The following MSH3 variants were observed in gnomAD, a reference collection of about 807,000 sequenced individuals.
MSH3 encodes mutS homolog 3.
MSH3 carries 106 observed loss-of-function variants against 123.3 expected under a neutral mutation model. The ratio of observed to expected loss-of-function variants is 0.86; its 90% CI spans 0.73 to 1.01. MSH3 has a LOEUF of 1.01. Among genes scored for constraint, MSH3 ranks in the 50% least tolerant of loss-of-function variants. The pLI is 0.00. For missense variants in MSH3, 1,459 were observed against 1,347.6 expected (o/e 1.08, Z -1.29); for synonymous variants, 515 against 481.4 (o/e 1.07, Z -0.91).
At chr5:80,670,005 G>T in intron 3 of MSH3, 92 bp from the exon 4 acceptor site, 1 of 1,185,144 alleles carries the variant, frequency 8.4e-7, no homozygotes, top group South Asian at 1.3e-5. Context: ...TTCACTAAGT[G>T]TTAGCTTTTT....
At chr5:80,841,401 A>G (rs1745622779) in intron 20 of MSH3, among the ~76,000 whole-genome samples, 1 of 152,136 alleles carries the variant, frequency 6.6e-6, no homozygotes, top group African/African-American at 2.4e-5. Flanking sequence ...ATGATTTATA[A>G]TCCTTTGGGT....
chr5:80,762,075 T>C (rs1238900700), intron 13 of MSH3, among the ~76,000 whole-genome samples: 2 of 152,144 alleles, frequency 1.3e-5, no homozygotes, highest in Non-Finnish European at 2.9e-5. Context: ...AAAAATCTGC[T>C]AGTATAACAT....
chr5:80,709,388 C>T (rs1750795710), intron 8 of MSH3, among the ~76,000 whole-genome samples: 1 of 152,142 alleles, frequency 6.6e-6, no homozygotes. Flanking sequence ...TTTGGGAGGC[C>T]AAGGTGGGCG....
Position 80,828,100 on chromosome 5 carries a change from C to T in MSH3, c.2813+14359C>T, listed in dbSNP as rs148024138. Among the ~76,000 whole-genome samples the T allele has an allele frequency of 3.8e-3, 585 of 152,242 alleles. 3 individuals carry two copies. The highest frequency in any genetic ancestry group is 8.2e-3 in the Admixed American group (126 of 15,290). ...AAAGTCCATAGTTTACATGAGGGCT[C>T]ATTGGGTAATTGATAAACAAAGTAA... On this transcript the variant is annotated intron_variant, in intron 20 of 23. Transcript: ENST00000265081.
At chr5:80,769,383 A>G (rs1041976765) in intron 15 of MSH3, among the ~76,000 whole-genome samples, 1 of 152,058 alleles carries the variant, frequency 6.6e-6, no homozygotes, top group African/African-American at 2.4e-5. Context: ...TGATTGGCTC[A>G]TACAGTGATT....
At chr5:80,735,815 A>G (rs1040960766) in intron 10 of MSH3, among the ~76,000 whole-genome samples, 4 of 152,234 alleles carry the variant, frequency 2.6e-5, no homozygotes, top group Admixed American at 2.0e-4. Context: ...AGCAATGGGA[A>G]AAGAACCAAA....
Position 80,713,550 on chromosome 5 carries a change from C to T in MSH3, c.1341-11903C>T, listed in dbSNP as rs556856186. Among the ~76,000 whole-genome samples the T allele has an allele frequency of 3.9e-5, 6 of 152,258 alleles. No homozygotes were observed. In the South Asian group the frequency reaches 1.0e-3, roughly 26 times the overall value. On this transcript the variant is annotated intron_variant, in intron 8 of 23. Coordinates refer to ENST00000265081, the MANE Select transcript of MSH3 (RefSeq NM_002439.5). ...ATGCTCCTCTCCATTCAGGAGGCTT[C>T]AGCCCCACAGCACAAATAGCCTCTG... is the stretch of plus-strand genomic sequence containing the variant.
chr5:80,666,666 A>T (rs959207217), intron 3 of MSH3, among the ~76,000 whole-genome samples: 1 of 152,204 alleles, frequency 6.6e-6, no homozygotes, highest in African/African-American at 2.4e-5. Flanking sequence ...TGGCATGTCC[A>T]CATCACAGGA....
chr5:80,660,931 TG>T (rs1278635974), intron 2 of MSH3, among the ~76,000 whole-genome samples: 1 of 152,118 alleles, frequency 6.6e-6, no homozygotes, highest in East Asian at 1.9e-4. Flanking sequence ...CTGGAGTAGC[TG>T]GGATTACAGG....
intron 8 of MSH3, among the ~76,000 whole-genome samples, chr5:80,691,761 T>A (rs1750259844): frequency 7.5e-6 from 1 of 133,476 alleles, no homozygotes; most frequent in Non-Finnish European, 1.6e-5. Context: ...ATATATATAT[T>A]TATATATGTA....
intron 22 of MSH3, among the ~76,000 whole-genome samples, chr5:80,871,729 G>A (rs1272104339): frequency 6.6e-6 from 1 of 152,092 alleles, no homozygotes; most frequent in Non-Finnish European, 1.5e-5. Flanking sequence ...CAACCTTTCT[G>A]TAACCTAATC....
At chr5:80,742,345 G>C (rs996607679) in intron 11 of MSH3, among the ~76,000 whole-genome samples, 2 of 152,104 alleles carry the variant, frequency 1.3e-5, no homozygotes, top group African/African-American at 4.8e-5. Flanking sequence ...TTTGTCCTTT[G>C]TTGATGAATT....
chr5:80,763,797 G>GT (rs1744081250), intron 13 of MSH3, among the ~76,000 whole-genome samples: 1 of 152,164 alleles, frequency 6.6e-6, no homozygotes, highest in Admixed American at 6.5e-5. Flanking sequence ...ATTGCACAGG[G>GT]TTTGTGTATT....
chr5:80,726,226 G>A lies in MSH3; in HGVS notation c.1453+661G>A, dbSNP rs139720665. ...GGGTCCATTTTGTGGATGGTGAGGT[G>A]AATAGACATTTTCCCTCTTGGCATA... On this transcript the variant is annotated intron_variant, in intron 9 of 23. Transcript: ENST00000265081. Among the ~76,000 whole-genome samples, 13 of 152,272 alleles carry A rather than the reference G, an allele frequency of 8.5e-5. No individual in the cohort carries two copies. In the East Asian group the frequency reaches 1.9e-3, roughly 23 times the overall value.
chr5:80,790,775 A>G (rs1744593470), intron 18 of MSH3, among the ~76,000 whole-genome samples: 1 of 152,202 alleles, frequency 6.6e-6, no homozygotes, highest in Non-Finnish European at 1.5e-5. Flanking sequence ...GTTCACCCGT[A>G]AAGGCAAAGA....
chr5:80,682,141 A>G (rs1271057315), intron 8 of MSH3, among the ~76,000 whole-genome samples: 1 of 152,184 alleles, frequency 6.6e-6, no homozygotes, highest in African/African-American at 2.4e-5. Flanking sequence ...ATTTATATCT[A>G]TGGACAGAAT....
intron 21 of MSH3, among the ~76,000 whole-genome samples, chr5:80,854,951 T>C (rs1454551649): frequency 6.6e-6 from 1 of 152,148 alleles, no homozygotes. Flanking sequence ...TGTGAAATCC[T>C]TTTTTTCACC....
At chr5:80,863,119 G>A (rs922339245) in intron 21 of MSH3, among the ~76,000 whole-genome samples, 1 of 152,186 alleles carries the variant, frequency 6.6e-6, no homozygotes, top group East Asian at 1.9e-4. Flanking sequence ...ATGTAAAACT[G>A]ATATCACGTC....
rs1258861417 is a variant in MSH3, at chr5:80,672,504, G to C, written c.909+144G>C. ...AACTGAAAGTGTTTCATAATTATTA[G>C]TATTATGTATTTATGAGTTTTTAAC... is the stretch of plus-strand genomic sequence containing the variant. On this transcript the variant is annotated intron_variant, in intron 5 of 23. Transcript: ENST00000265081. 4 of 715,868 alleles carry C rather than the reference G, an allele frequency of 5.6e-6. No individual in the cohort carries two copies. The East Asian group carries it at 8.1e-5, about 14-fold the overall frequency. 44.3% of individuals were successfully genotyped at this position (715,868 alleles called of 1,614,324 possible).
Sources: gnomAD v4.1 joint callset for allele counts (sites outside exome capture counted in the v4.1 genomes callset) on GRCh38, gnomAD v4.1.1 for gene constraint, MANE v1.5 for transcripts, NCBI Gene and HGNC (gene_info 2026-07-23, HGNC 2026-07-21) for gene names.